The following RARS2 variants were observed in gnomAD, a reference collection of about 807,000 sequenced individuals.
RARS2 encodes the protein probable arginine--tRNA ligase, mitochondrial.
RARS2 carries 67 observed loss-of-function variants against 88.5 expected under a neutral mutation model. The observed-to-expected ratio is 0.76, with a 90% confidence interval of 0.62 to 0.93. RARS2 has a LOEUF of 0.93. Ranked by LOEUF, RARS2 falls within the 40% of genes least tolerant of loss-of-function variation. RARS2 has a pLI of 0.00. For synonymous variants in RARS2, 239 were observed against 230.3 expected (o/e 1.04, Z -0.34); for missense variants, 664 against 684.2 (o/e 0.97, Z 0.33).
chr6:87,583,416 C>T (rs945932506), intron 1 of RARS2, among the ~76,000 whole-genome samples: 1 of 151,942 alleles, frequency 6.6e-6, no homozygotes, highest in African/African-American at 2.4e-5. Context: ...ATGGAGAAAC[C>T]CCATCTCTAC....
intron 5 of RARS2, among the ~76,000 whole-genome samples, chr6:87,553,729 A>AG (rs1354643021): frequency 6.6e-6 from 1 of 152,256 alleles, no homozygotes; most frequent in Non-Finnish European, 1.5e-5. Flanking sequence ...GCCTTAGTGT[A>AG]GTTCCTCTCT....
intron 18 of RARS2, among the ~76,000 whole-genome samples, 174 bp downstream of exon 18, chr6:87,516,632 A>T (rs983017702): frequency 2.0e-5 from 3 of 152,226 alleles, no homozygotes; most frequent in African/African-American, 7.2e-5. Flanking sequence ...AGTACCTTGT[A>T]TCACTGAATG....
chr6:87,552,108 G>C (rs750985569), intron 5 of RARS2, among the ~76,000 whole-genome samples: 1 of 152,102 alleles, frequency 6.6e-6, no homozygotes, highest in Non-Finnish European at 1.5e-5. Flanking sequence ...ACAGGTTTCA[G>C]AATCAAGAGT....
intron 4 of RARS2, among the ~76,000 whole-genome samples, chr6:87,558,731 T>C (rs1246995041): frequency 1.3e-5 from 2 of 152,226 alleles, no homozygotes; most frequent in African/African-American, 2.4e-5. Context: ...CAAATAAAAG[T>C]ATAGCACATA....
chr6:87,589,378 A>G (rs1403501464), intron 1 of RARS2, among the ~76,000 whole-genome samples: 2 of 152,186 alleles, frequency 1.3e-5, no homozygotes, highest in East Asian at 3.9e-4. Context: ...AAGCAATTAT[A>G]TTGCAATTTT....
chr6:87,572,749 A>G (rs1770169320), intron 1 of RARS2, among the ~76,000 whole-genome samples: 1 of 152,136 alleles, frequency 6.6e-6, no homozygotes, highest in East Asian at 1.9e-4. Flanking sequence ...TTATCTTACT[A>G]TATTTCATTT....
At chr6:87,529,733 C>A in intron 9 of RARS2, 85 bp from the exon 10 acceptor site, 1 of 863,330 alleles carries the variant, frequency 1.2e-6, no homozygotes, top group Non-Finnish European at 2.0e-6. Context: ...GGATGCTCTA[C>A]CACCTGTCAC....
chr6:87,520,346 G>A, intron 12 of RARS2, 90 bp from the exon 13 acceptor site: 1 of 1,053,144 alleles, frequency 9.5e-7, no homozygotes, highest in Non-Finnish European at 1.4e-6. Flanking sequence ...AGATATTTGA[G>A]GTCTGACAGA....
intron 10 of RARS2, among the ~76,000 whole-genome samples, chr6:87,529,112 C>T (rs1776651584): frequency 6.6e-6 from 1 of 152,128 alleles, no homozygotes; most frequent in African/African-American, 2.4e-5. Flanking sequence ...CCCCTACTTC[C>T]TGTTTTCATC....
At chr6:87,539,096 T>C (rs1477422159) in intron 8 of RARS2, among the ~76,000 whole-genome samples, 1 of 150,994 alleles carries the variant, frequency 6.6e-6, no homozygotes, top group Non-Finnish European at 1.5e-5. Context: ...TAAAATGTCA[T>C]AGAAGACAAA....
Position 87,516,789 on chromosome 6 carries a change from G to A in RARS2, c.1586+17C>T. ...CAAATGCCATTAACACCTGAAAACAGGAAGATTATAAAGTACCTTAAAGTT... is the reference window on the plus strand; with the variant it reads ...CAAATGCCATTAACACCTGAAAACAAGAAGATTATAAAGTACCTTAAAGTT... On this transcript the variant is annotated intron_variant, in intron 18 of 19. Transcript: ENST00000369536. 1.2e-6 allele frequency: 2 copies of A among 1,612,642 alleles called. No homozygotes were observed. The highest frequency in any genetic ancestry group is 1.7e-6 in the Non-Finnish European group (2 of 1,179,322).
At chr6:87,572,373 T>A (rs1770039181) in intron 1 of RARS2, among the ~76,000 whole-genome samples, 1 of 152,186 alleles carries the variant, frequency 6.6e-6, no homozygotes, top group Non-Finnish European at 1.5e-5. Context: ...ATTTTATGTC[T>A]ATCTTAAATA....
At chr6:87,530,737 G>C (rs750808413) in intron 9 of RARS2, 47 bp downstream of exon 9, 1 of 1,597,594 alleles carries the variant, frequency 6.3e-7, no homozygotes, top group Non-Finnish European at 8.6e-7. Flanking sequence ...TAACAGCCGA[G>C]AGCTGCACTG....
intron 8 of RARS2, among the ~76,000 whole-genome samples, chr6:87,535,684 T>G (rs1201330154): frequency 6.7e-6 from 1 of 148,770 alleles, no homozygotes; most frequent in Non-Finnish European, 1.5e-5. Context: ...TTGTTTTTTT[T>G]TTTTTTTTTT....
At position 87,562,901 on chromosome 6, in the gene RARS2, C is replaced by T. The variant is rs150769813; in HGVS notation, c.214-116G>A. On this transcript the variant is annotated intron_variant, in intron 3 of 19. Transcript: ENST00000369536. ...ACAAGTAAGTCATCTTTCATGGTCC[C>T]TATATCGGGTCCCAGTTCTCAGGCA... 9.3e-3 allele frequency: 7,119 copies of T among 763,786 alleles called. 53 individuals are homozygous for T. The highest frequency in any genetic ancestry group is 0.012 in the Non-Finnish European group (5,237 of 426,116). The allele number at this position is 763,786 out of a possible 1,614,324, so 47.3% of individuals were successfully genotyped here.
intron 1 of RARS2, among the ~76,000 whole-genome samples, chr6:87,581,806 T>C (rs1364376270): frequency 6.6e-6 from 1 of 152,138 alleles, no homozygotes; most frequent in African/African-American, 2.4e-5. Flanking sequence ...CCCATGGCCA[T>C]GTGTTCTCAT....
intron 8 of RARS2, among the ~76,000 whole-genome samples, chr6:87,537,945 G>T (rs897013547): frequency 2.6e-5 from 4 of 152,116 alleles, no homozygotes; most frequent in African/African-American, 9.7e-5. Context: ...GCAAGCAAAG[G>T]CATCTTTCAA....
chr6:87,519,370 A>G lies in RARS2; in HGVS notation c.1237+213T>C, dbSNP rs143800473. 1.8e-4 allele frequency: 96 copies of G among 523,402 alleles called. 1 individual carries two copies. In the East Asian group the frequency reaches 3.5e-3, roughly 19 times the overall value. 32.4% of individuals were successfully genotyped at this position (523,402 alleles called of 1,614,324 possible). ...TGCTCAAGCTGTTCATGAAAAGAGGACCAAGGTTATAGTAATTCAGATTAT... is the reference window on the plus strand; with the variant it reads ...TGCTCAAGCTGTTCATGAAAAGAGGGCCAAGGTTATAGTAATTCAGATTAT... On this transcript the variant is annotated intron_variant, in intron 14 of 19. Transcript: ENST00000369536.
At position 87,555,763 on chromosome 6, in the gene RARS2, TGTAG is replaced by T. The variant is rs144357207; in HGVS notation, c.298-262_298-259del. 9.1e-3 allele frequency among the ~76,000 whole-genome samples: 1,390 copies of T among 152,340 alleles called. 20 individuals are homozygous for T. The highest frequency in any genetic ancestry group is 0.031 in the African/African-American group (1,295 of 41,566). Reference sequence around the variant, plus strand: ...TATTCATTCTTACAGTAACCAGTTATGTAGGTATTTTACAGAGAAGGAAACTGAA... The same window carrying T: ...TATTCATTCTTACAGTAACCAGTTATGTATTTTACAGAGAAGGAAACTGAA... On this transcript the variant is annotated intron_variant, in intron 4 of 19. Transcript: ENST00000369536.
Sources: gnomAD v4.1 joint callset for allele counts (sites outside exome capture counted in the v4.1 genomes callset) on GRCh38, gnomAD v4.1.1 for gene constraint, MANE v1.5 for transcripts, NCBI Gene and HGNC (gene_info 2026-07-23, HGNC 2026-07-21) for gene names.